SLC24A3: variants seen among roughly 807,000 people sequenced by gnomAD.
SLC24A3 encodes the protein sodium/potassium/calcium exchanger 3.
A neutral mutation model predicts 75.8 loss-of-function variants in SLC24A3; 28 were observed. The observed-to-expected ratio is 0.37, with a 90% CI of 0.27 to 0.51. The LOEUF (loss-of-function observed/expected upper bound fraction) is 0.51, where lower values mean the gene tolerates loss of function less well. Among genes scored for constraint, SLC24A3 ranks in the 20% least tolerant of loss-of-function variants. The pLI is 0.94. For synonymous variants in SLC24A3, 372 were observed against 334.1 expected, an observed-to-expected ratio of 1.11 and a Z score of -1.24; for missense variants, 663 against 847.8, an observed-to-expected ratio of 0.78 and a Z score of 2.71.
intron 2 of SLC24A3, among the ~76,000 whole-genome samples, chr20:19,446,143 T>A (rs929680924): frequency 6.6e-6 from 1 of 152,114 alleles, no homozygotes; most frequent in Non-Finnish European, 1.5e-5. Flanking sequence ...CAGTAACCCT[T>A]AAGAACATTC....
intron 1 of SLC24A3, among the ~76,000 whole-genome samples, chr20:19,275,714 G>A (rs952604875): frequency 4.6e-5 from 7 of 152,264 alleles, no homozygotes; most frequent in South Asian, 2.1e-4. Flanking sequence ...GAAACTTGGC[G>A]TCCAGCCTCA....
chr20:19,681,362 G>A (rs755558275), intron 9 of SLC24A3, among the ~76,000 whole-genome samples: 5 of 152,140 alleles, frequency 3.3e-5, no homozygotes, highest in Non-Finnish European at 5.9e-5. Flanking sequence ...ACGGCCAACC[G>A]GACTGTAGCA....
chr20:19,339,904 A>G (rs1042855529), intron 2 of SLC24A3, among the ~76,000 whole-genome samples: 2 of 152,250 alleles, frequency 1.3e-5, no homozygotes, highest in African/African-American at 2.4e-5. Context: ...AATCTGCAAA[A>G]GAATTCCTTC....
chr20:19,386,284 C>T (rs1384963027), intron 2 of SLC24A3, among the ~76,000 whole-genome samples: 2 of 152,176 alleles, frequency 1.3e-5, no homozygotes, highest in Non-Finnish European at 2.9e-5. Flanking sequence ...TGAAACTTTA[C>T]TGAATTTATT....
At chr20:19,616,992 T>G (rs2031744871) in intron 6 of SLC24A3, among the ~76,000 whole-genome samples, 2 of 152,132 alleles carry the variant, frequency 1.3e-5, no homozygotes, top group Admixed American at 1.3e-4. Context: ...AGTGCCTGTT[T>G]GTAGTGAACC....
In SLC24A3 at chr20:19,663,435, G is replaced by A. The variant is rs148543166; in HGVS notation, c.688-2429G>A. On this transcript the variant is annotated intron_variant, in intron 7 of 16. Transcript: ENST00000328041. The stretch of plus-strand genomic sequence containing the variant: ...CTCCTCCTCCTCCTCCTCCTCCTCC[G>A]CCTTCTCATCCTCCTCCACTTCCTC... Among the ~76,000 whole-genome samples, 122 of 13,744 alleles carry A rather than the reference G, an allele frequency of 8.9e-3. 7 individuals are homozygous for A. Among genetic ancestry groups the A allele is most frequent in the Middle Eastern group, 0.026 (1 of 38 alleles). The allele number at this position is 13,744 out of a possible 152,430, so 9.0% of individuals were successfully genotyped here.
At chr20:19,489,335 C>T (rs1988173283) in intron 2 of SLC24A3, among the ~76,000 whole-genome samples, 1 of 152,130 alleles carries the variant, frequency 6.6e-6, no homozygotes. Context: ...GTTAAGATCA[C>T]AGGTTTTAAT....
At chr20:19,561,142 T>C (rs6112463) in intron 3 of SLC24A3, among the ~76,000 whole-genome samples, 131,964 of 152,156 alleles carry the variant, frequency 0.87, 57,423 homozygotes, top group South Asian at 0.91. Flanking sequence ...TCAGAGAGAA[T>C]CTTATCATGA....
chr20:19,460,070 C>T (rs972836106), intron 2 of SLC24A3, among the ~76,000 whole-genome samples: 28 of 152,086 alleles, frequency 1.8e-4, no homozygotes, highest in African/African-American at 4.6e-4. Context: ...GAGGGTGAGG[C>T]GAGGGATGCA....
chr20:19,473,631 G>T (rs1461213969), intron 2 of SLC24A3, among the ~76,000 whole-genome samples: 1 of 152,230 alleles, frequency 6.6e-6, no homozygotes, highest in African/African-American at 2.4e-5. Context: ...CCCGGAAGCT[G>T]AATTCCAGCC....
chr20:19,219,443 G>A (rs1030083841), intron 1 of SLC24A3, among the ~76,000 whole-genome samples: 1 of 152,154 alleles, frequency 6.6e-6, no homozygotes, highest in African/African-American at 2.4e-5. Context: ...CGTTGTCTTC[G>A]AGGGACACCG....
intron 14 of SLC24A3, 115 bp from the exon 15 acceptor site, chr20:19,698,453 C>A: frequency 1.5e-6 from 1 of 648,680 alleles, no homozygotes; most frequent in Non-Finnish European, 2.7e-6. Context: ...GAAAGAGAAG[C>A]ACATATGTGA....
At chr20:19,364,290 G>T (rs1481097338) in intron 2 of SLC24A3, among the ~76,000 whole-genome samples, 1 of 152,082 alleles carries the variant, frequency 6.6e-6, no homozygotes, top group East Asian at 1.9e-4. Context: ...CCCTGAGTCT[G>T]ATGGGACAGT....
intron 2 of SLC24A3, among the ~76,000 whole-genome samples, chr20:19,455,019 T>C (rs1172516689): frequency 6.6e-6 from 1 of 152,148 alleles, no homozygotes; most frequent in African/African-American, 2.4e-5. Flanking sequence ...TCTTGTTCTA[T>C]GTCTTTTTTT....
intron 2 of SLC24A3, among the ~76,000 whole-genome samples, chr20:19,341,370 T>A (rs1985269343): frequency 6.6e-6 from 1 of 152,118 alleles, no homozygotes; most frequent in African/African-American, 2.4e-5. Flanking sequence ...GAATCTGTAT[T>A]TTACAAAAGG....
At chr20:19,717,665 G>C (rs1463669599) in intron 16 of SLC24A3, 72 bp downstream of exon 16, 2 of 1,542,668 alleles carry the variant, frequency 1.3e-6, no homozygotes, top group Non-Finnish European at 1.8e-6. Context: ...TTGGAGACCA[G>C]ATGAGCTTGG....
intron 4 of SLC24A3, among the ~76,000 whole-genome samples, chr20:19,583,642 A>G (rs1483641361): frequency 6.6e-6 from 1 of 152,202 alleles, no homozygotes; most frequent in Non-Finnish European, 1.5e-5. Context: ...GGATGCCACA[A>G]CTAATACCCC....
chr20:19,244,208 A>G (rs1306432764), intron 1 of SLC24A3: 9 of 152,132 alleles, frequency 5.9e-5, no homozygotes, highest in African/African-American at 1.7e-4. Context: ...TCTTAATTCA[A>G]TGAGCATTCC....
At chr20:19,470,726 A>G (rs1164300271) in intron 2 of SLC24A3, among the ~76,000 whole-genome samples, 1 of 152,182 alleles carries the variant, frequency 6.6e-6, no homozygotes, top group Non-Finnish European at 1.5e-5. Context: ...TGTGCATAAC[A>G]CAGGACTTGG....
Sources: gnomAD v4.1 joint callset for allele counts (sites outside exome capture counted in the v4.1 genomes callset) on GRCh38, gnomAD v4.1.1 for gene constraint, MANE v1.5 for transcripts, NCBI Gene and HGNC (gene_info 2026-07-23, HGNC 2026-07-21) for gene names.